DLGAP1: variants seen among roughly 807,000 people sequenced by gnomAD.
DLGAP1 encodes DLG associated protein 1, also known as disks large-associated protein 1.
Under a neutral mutation model 90.8 loss-of-function variants are expected in DLGAP1, and 11 were observed. The observed-to-expected ratio is 0.12, with a 90% CI of 0.08 to 0.20. The LOEUF (loss-of-function observed/expected upper bound fraction) is 0.20. Among genes scored for constraint, DLGAP1 ranks in the 10% least tolerant of loss-of-function variants. The pLI, the probability that DLGAP1 is intolerant of heterozygous loss-of-function variation, is 1.00. For synonymous variants in DLGAP1, 558 were observed against 540.7 expected, an observed-to-expected ratio of 1.03 and a Z score of -0.44; for missense variants, 1,050 against 1,333.8, an observed-to-expected ratio of 0.79 and a Z score of 3.31.
intron 4 of DLGAP1, among the ~76,000 whole-genome samples, chr18:3,853,935 T>TC: frequency 6.6e-6 from 1 of 152,308 alleles, no homozygotes; most frequent in African/African-American, 2.4e-5. Context: ...CTTTCTTTTT[T>TC]TCCCTCCTTG....
intron 1 of DLGAP1, among the ~76,000 whole-genome samples, chr18:4,328,308 C>T (rs1205753478): frequency 6.6e-6 from 1 of 151,846 alleles, no homozygotes; most frequent in Non-Finnish European, 1.5e-5. Flanking sequence ...AAAATTTTTT[C>T]GTTCCCTACA....
intron 1 of DLGAP1, among the ~76,000 whole-genome samples, chr18:4,192,718 G>A (rs2077423922): frequency 6.6e-6 from 1 of 152,136 alleles, no homozygotes; most frequent in Non-Finnish European, 1.5e-5. Context: ...AAGAATAAAT[G>A]TTCCCTAAGG....
chr18:3,763,312 G>C (rs1289383382), intron 5 of DLGAP1, among the ~76,000 whole-genome samples: 1 of 152,116 alleles, frequency 6.6e-6, no homozygotes, highest in Non-Finnish European at 1.5e-5. Flanking sequence ...AGGACTCTTG[G>C]ACCTTCAACT....
At chr18:4,160,394 A>C (rs2076824671) in intron 1 of DLGAP1, among the ~76,000 whole-genome samples, 1 of 152,132 alleles carries the variant, frequency 6.6e-6, no homozygotes, top group South Asian at 2.1e-4. Flanking sequence ...CATCTCTTTC[A>C]GTTTTTCCCC....
At chr18:4,299,257 T>C (rs1247875264) in intron 1 of DLGAP1, among the ~76,000 whole-genome samples, 1 of 152,182 alleles carries the variant, frequency 6.6e-6, no homozygotes, top group Non-Finnish European at 1.5e-5. Flanking sequence ...TGTTCATATG[T>C]TTCTAGTAAC....
intron 2 of DLGAP1, among the ~76,000 whole-genome samples, chr18:4,020,357 C>T (rs929344332): frequency 2.0e-5 from 3 of 152,214 alleles, no homozygotes; most frequent in Non-Finnish European, 4.4e-5. Context: ...GGTTTAGCTA[C>T]ATGAATAATA....
At chr18:4,322,701 C>T (rs1184514511) in intron 1 of DLGAP1, among the ~76,000 whole-genome samples, 2 of 152,066 alleles carry the variant, frequency 1.3e-5, no homozygotes, top group African/African-American at 2.4e-5. Context: ...GTGGCTCACG[C>T]GTGTAATCCC....
At chr18:4,451,561 T>C (rs1444745165) in intron 1 of DLGAP1, among the ~76,000 whole-genome samples, 1 of 152,186 alleles carries the variant, frequency 6.6e-6, no homozygotes, top group African/African-American at 2.4e-5. Context: ...ACAGCATCTT[T>C]GGCAATTCCT....
intron 1 of DLGAP1, chr18:4,294,690 T>C (rs1047338600): frequency 2.0e-5 from 3 of 152,260 alleles, no homozygotes; most frequent in African/African-American, 7.2e-5. Context: ...CTCTGCCTTT[T>C]TGCAAGGGCA....
chr18:4,293,383 C>G (rs1396164309), intron 1 of DLGAP1: 1 of 152,202 alleles, frequency 6.6e-6, no homozygotes, highest in African/African-American at 2.4e-5. Flanking sequence ...GTGATTAATT[C>G]AATGATATTA....
intron 7 of DLGAP1, among the ~76,000 whole-genome samples, chr18:3,582,889 T>G (rs2055611731): frequency 7.4e-6 from 1 of 135,360 alleles, no homozygotes; most frequent in South Asian, 2.7e-4. Context: ...CCTTTCTTCC[T>G]CCCTGCTTTT....
intron 5 of DLGAP1, among the ~76,000 whole-genome samples, chr18:3,778,595 AAG>A (rs2065040887): frequency 6.6e-6 from 1 of 152,138 alleles, no homozygotes; most frequent in South Asian, 2.1e-4. Context: ...CTCTCACTAG[AAG>A]GCCCAGGCAG....
chr18:3,788,322 G>C lies in DLGAP1; in HGVS notation c.1172+25737C>G, dbSNP rs115156000. ...AGGAAACTTTTAAAAGATGAAGATA[G>C]GTGACTCCAAAACAACAGAATAAGC... On this transcript the variant is annotated intron_variant, in intron 5 of 12. Transcript: ENST00000315677. Among the ~76,000 whole-genome samples, 318 of 152,270 alleles carry C rather than the reference G, an allele frequency of 2.1e-3. 1 individual carries two copies. The highest frequency in any genetic ancestry group is 7.4e-3 in the African/African-American group (307 of 41,564).
At chr18:4,317,960 G>A (rs2080575960) in intron 1 of DLGAP1, among the ~76,000 whole-genome samples, 1 of 152,102 alleles carries the variant, frequency 6.6e-6, no homozygotes, top group African/African-American at 2.4e-5. Context: ...CGATTCTCCG[G>A]CCTCAGCCTC....
chr18:4,346,083 G>A (rs2081298302), intron 1 of DLGAP1, among the ~76,000 whole-genome samples: 1 of 152,184 alleles, frequency 6.6e-6, no homozygotes, highest in African/African-American at 2.4e-5. Flanking sequence ...AAGAAGGAAG[G>A]CAAGTCTGTT....
At chr18:3,913,701 TA>T (rs2072083157) in intron 3 of DLGAP1, among the ~76,000 whole-genome samples, 2 of 152,222 alleles carry the variant, frequency 1.3e-5, no homozygotes, top group Admixed American at 1.3e-4. Context: ...TATTGCTCCT[TA>T]AAACTAAGTT....
At chr18:4,098,794 G>T (rs2075726377) in intron 2 of DLGAP1, among the ~76,000 whole-genome samples, 1 of 152,090 alleles carries the variant, frequency 6.6e-6, no homozygotes, top group African/African-American at 2.4e-5. Context: ...TATTTGCATG[G>T]TACTTTACAC....
chr18:4,430,206 T>C (rs954944630), intron 1 of DLGAP1, among the ~76,000 whole-genome samples: 5 of 152,140 alleles, frequency 3.3e-5, no homozygotes, highest in African/African-American at 1.2e-4. Context: ...GTTAGGGTAT[T>C]TGTTGAGTTG....
chr18:3,800,917 A>G (rs1020873692), intron 5 of DLGAP1, among the ~76,000 whole-genome samples: 10 of 152,144 alleles, frequency 6.6e-5, no homozygotes, highest in Non-Finnish European at 1.0e-4. Flanking sequence ...GAAGCTGGGT[A>G]ATTTATAAAG....
Sources: allele counts gnomAD v4.1 joint callset (sites outside exome capture counted in the v4.1 genomes callset), GRCh38; gene constraint gnomAD v4.1.1; transcripts MANE v1.5; gene names NCBI Gene and HGNC (gene_info 2026-07-23, HGNC 2026-07-21).